The following RAB11B variants were observed in gnomAD, a reference collection of about 807,000 sequenced individuals.
RAB11B encodes the protein RAB11B, member RAS oncogene family.
Under a neutral mutation model 23.7 loss-of-function variants are expected in RAB11B, and 7 were observed. That is an observed-to-expected ratio of 0.29 (90% CI 0.17 to 0.55). The LOEUF is 0.55. Ranked by LOEUF, RAB11B falls within the 20% of genes least tolerant of loss-of-function variation. The pLI, the probability that RAB11B is intolerant of heterozygous loss-of-function variation, is 0.93. For missense variants in RAB11B, 189 were observed against 320.0 expected, an observed-to-expected ratio of 0.59 and a Z score of 3.12; for synonymous variants, 138 against 132.0, an observed-to-expected ratio of 1.05 and a Z score of -0.31.
intron 1 of RAB11B, among the ~76,000 whole-genome samples, chr19:8,392,263 C>A (rs1325122792): frequency 6.6e-6 from 1 of 152,080 alleles, no homozygotes. Flanking sequence ...GTTAAATGAC[C>A]CAGCTCCGAG....
At chr19:8,392,282 C>T (rs1971361292) in intron 1 of RAB11B, among the ~76,000 whole-genome samples, 1 of 152,198 alleles carries the variant, frequency 6.6e-6, no homozygotes, top group Non-Finnish European at 1.5e-5. Context: ...AGTGCTTGCT[C>T]AAGTCATGGT....
intron 2 of RAB11B, among the ~76,000 whole-genome samples, chr19:8,400,922 T>C (rs1219899067): frequency 6.8e-6 from 1 of 146,966 alleles, no homozygotes; most frequent in South Asian, 2.2e-4. Flanking sequence ...GACAGGGTCT[T>C]GCTCTGTCGC....
chr19:8,401,532 G>A (rs1442225502), intron 2 of RAB11B, among the ~76,000 whole-genome samples: 3 of 150,156 alleles, frequency 2.0e-5, no homozygotes, highest in African/African-American at 4.9e-5. Flanking sequence ...GATTACAGGC[G>A]CCTGCCACCA....
At chr19:8,392,281 T>A (rs1305199261) in intron 1 of RAB11B, among the ~76,000 whole-genome samples, 3 of 152,230 alleles carry the variant, frequency 2.0e-5, no homozygotes, top group Non-Finnish European at 4.4e-5. Context: ...GAGTGCTTGC[T>A]CAAGTCATGG....
chr19:8,393,030 C>G (rs1971370403), intron 1 of RAB11B, among the ~76,000 whole-genome samples: 1 of 150,048 alleles, frequency 6.7e-6, no homozygotes, highest in Non-Finnish European at 1.5e-5. Flanking sequence ...CACGCACTGG[C>G]TCCCTTGACT....
rs1210640324 is a variant in RAB11B, at chr19:8,396,275, T to A, written c.41-3588T>A. ...GTGGTGACCTGGCATCCTCTAGGTA[T>A]GGGGCAGGCGGCATGCGTGGGAGGC... is the stretch of plus-strand genomic sequence containing the variant. On this transcript the variant is annotated intron_variant, in intron 1 of 4. Coordinates refer to ENST00000328024, the MANE Select transcript of RAB11B (RefSeq NM_004218.4). The surrounding 1 kb of genome is among the most constrained non-coding windows in gnomAD (Gnocchi z 5.0). 6.6e-6 allele frequency among the ~76,000 whole-genome samples: 1 copy of A among 152,152 alleles called. No homozygotes were observed. The highest frequency in any genetic ancestry group is 1.5e-5 in the Non-Finnish European group (1 of 68,034).
In RAB11B at chr19:8,396,296, G is replaced by A. The variant is rs1971396041; in HGVS notation, c.41-3567G>A. Among the ~76,000 whole-genome samples the A allele has an allele frequency of 6.6e-6, 1 of 152,184 alleles. No homozygotes were observed. The highest frequency in any genetic ancestry group is 2.4e-5 in the African/African-American group (1 of 41,444). On this transcript the variant is annotated intron_variant, in intron 1 of 4. Coordinates refer to ENST00000328024, the MANE Select transcript of RAB11B (RefSeq NM_004218.4). This position sits in a 1 kb window ranked among gnomAD's most constrained non-coding sequence, Gnocchi z 5.0. ...GGTATGGGGCAGGCGGCATGCGTGG[G>A]AGGCTCTGCCAGCCTTTTTGGCATT...
rs550504397 is a variant in RAB11B at position 8,403,959 on chromosome 19, C to CG, written c.*402dup. ...CCAGCCCGTCGTCCCCACCCAGAAC[C>CG]GTGCTCTGGGCCAAAGCCCGAAGAA... On this transcript the variant is annotated 3_prime_UTR_variant, in exon 5 of 5. Transcript: ENST00000328024. 82 of 171,950 alleles carry CG rather than the reference C, an allele frequency of 4.8e-4. 1 individual carries two copies. The East Asian group carries it at 0.013, about 27-fold the overall frequency. 10.7% of individuals were successfully genotyped at this position (171,950 alleles called of 1,614,324 possible). A position where few individuals can be genotyped will look rare whatever the true frequency, so the allele number is the denominator to read the frequency against.
At chr19:8,400,451 C>T in intron 2 of RAB11B, 1 of 231,556 alleles carries the variant, frequency 4.3e-6, no homozygotes. Context: ...GCTTCCCAGC[C>T]ATCAGGACCC....
intron 2 of RAB11B, among the ~76,000 whole-genome samples, chr19:8,401,032 C>G (rs1971432996): frequency 1.3e-5 from 2 of 152,212 alleles, no homozygotes; most frequent in Admixed American, 1.3e-4. Flanking sequence ...GCTGGGGCTA[C>G]AGGCCTGTGC....
intron 1 of RAB11B, among the ~76,000 whole-genome samples, chr19:8,397,757 G>T (rs2145509910): frequency 6.6e-6 from 1 of 152,164 alleles, no homozygotes; most frequent in Non-Finnish European, 1.5e-5. Context: ...AATGTAGCAG[G>T]GGTCCCGAGT....
intron 1 of RAB11B, among the ~76,000 whole-genome samples, chr19:8,397,580 GGAGT>G (rs1030544366): frequency 1.3e-5 from 2 of 152,060 alleles, no homozygotes; most frequent in Non-Finnish European, 2.9e-5. Context: ...GACAGGAGGT[GGAGT>G]GAGTGAGTGT....
At position 8,390,401 on chromosome 19, in the gene RAB11B, C is replaced by T; in HGVS notation, c.-16C>T. The T allele has an allele frequency of 1.3e-6, 2 of 1,533,070 alleles. No homozygotes were observed. The highest frequency in any genetic ancestry group is 1.2e-5 in the South Asian group (1 of 82,652). The allele number at this position is 1,533,070 out of a possible 1,614,324, so 95.0% of individuals were successfully genotyped here. ...GGGGCTGCGGAGTCGCCGATCCCGC[C>T]GGAAGCGCCAGGACAATGGGGACCC... On this transcript the variant is annotated 5_prime_UTR_variant, in exon 1 of 5. Transcript: ENST00000328024.
chr19:8,402,684 G>A (rs1971448353), intron 4 of RAB11B, 119 bp downstream of exon 4: 1 of 751,046 alleles, frequency 1.3e-6, no homozygotes, highest in Middle Eastern at 3.8e-4. Flanking sequence ...GTCGGGGCAG[G>A]ATGGATTTTT....
At chr19:8,399,752 C>G in intron 1 of RAB11B, 111 bp from the exon 2 acceptor site, 1 of 1,266,932 alleles carries the variant, frequency 7.9e-7, no homozygotes. Context: ...CTCGACTCCT[C>G]CACACCGTTG....
intron 1 of RAB11B, among the ~76,000 whole-genome samples, chr19:8,392,130 TCCCAGGTCCTGGCTGGGCA>T (rs1427667238): frequency 6.6e-6 from 1 of 151,984 alleles, no homozygotes; most frequent in Admixed American, 6.5e-5. Context: ...AGGCAGCTGC[TCCCAGGTCCTGGCTGGGCA>T]CCCACCCAGA....
In RAB11B at chr19:8,396,612, G is replaced by A. The variant is rs543946231; in HGVS notation, c.41-3251G>A. Among the ~76,000 whole-genome samples the A allele has an allele frequency of 4.0e-5, 6 of 151,886 alleles. No homozygotes were observed. In the South Asian group the frequency reaches 1.3e-3, roughly 32 times the overall value. Reference sequence around the variant, plus strand: ...GTGTGCCTGGAGAAGAGCGTTTCTGGCAGCAGGAGCAACCCGTGCAAAGGC... The same window carrying A: ...GTGTGCCTGGAGAAGAGCGTTTCTGACAGCAGGAGCAACCCGTGCAAAGGC... On this transcript the variant is annotated intron_variant, in intron 1 of 4. Transcript: ENST00000328024. The surrounding 1 kb of genome is among the most constrained non-coding windows in gnomAD (Gnocchi z 5.0).
intron 1 of RAB11B, among the ~76,000 whole-genome samples, chr19:8,395,276 T>G (rs1025555103): frequency 6.8e-6 from 1 of 147,374 alleles, no homozygotes; most frequent in Non-Finnish European, 1.5e-5. Flanking sequence ...TCTTTCTTTT[T>G]TTTTTTTTTT....
chr19:8,398,205 A>G (rs1403391298), intron 1 of RAB11B, among the ~76,000 whole-genome samples: 4 of 152,082 alleles, frequency 2.6e-5, no homozygotes, highest in Non-Finnish European at 5.9e-5. Flanking sequence ...TGCTCAGGGA[A>G]AGTGTTCCTG....
Sources: allele counts gnomAD v4.1 joint callset (sites outside exome capture counted in the v4.1 genomes callset), GRCh38; gene constraint gnomAD v4.1.1; non-coding constraint Gnocchi (gnomAD v3.1); transcripts MANE v1.5; gene names NCBI Gene and HGNC (gene_info 2026-07-23, HGNC 2026-07-21).